OR11A1: variants seen among roughly 807,000 people sequenced by gnomAD.
The protein encoded by OR11A1 is olfactory receptor 11A1.
For synonymous variants in OR11A1, 158 were observed against 152.2 expected (o/e 1.04, Z -0.28); for missense variants, 380 against 378.2 (o/e 1.00, Z -0.04).
In OR11A1 at chr6:29,448,607, C is replaced by A. The variant is rs375807355; in HGVS notation, c.-389+8380G>T. ...TAGGCACCAAACTGTCGGCAAAAGC[C>A]CCATTTTCGAGTTGGCCAGTTCTGG... On this transcript the variant is annotated intron_variant, in intron 1 of 4. Transcript: ENST00000377149. Among the ~76,000 whole-genome samples, 74 of 152,248 alleles carry A rather than the reference C, an allele frequency of 4.9e-4. 1 individual carries two copies. The highest frequency in any genetic ancestry group is 1.7e-3 in the African/African-American group (69 of 41,538).
At chr6:29,429,057 A>T (rs1783074668) in intron 3 of OR11A1, 97 bp from the exon 4 acceptor site, 1 of 191,858 alleles carries the variant, frequency 5.2e-6, no homozygotes, top group African/African-American at 2.4e-5. Context: ...TAAATACATA[A>T]TACTAACAGT....
At chr6:29,449,888 C>CA (rs140715249) in intron 1 of OR11A1, among the ~76,000 whole-genome samples, 5,644 of 152,234 alleles carry the variant, frequency 0.037, 176 homozygotes, top group African/African-American at 0.075. Context: ...CTGCCTGCCT[C>CA]AGCCTCCCAA....
intron 2 of OR11A1, 143 bp from the exon 3 acceptor site, chr6:29,430,568 A>G: frequency 2.5e-6 from 1 of 403,376 alleles, no homozygotes; most frequent in Non-Finnish European, 3.4e-6. Context: ...AGAAACAGAA[A>G]GTCAAATATT....
At chr6:29,430,265 G>A (rs1783144514) in intron 3 of OR11A1, 36 bp downstream of exon 3, 1 of 984,936 alleles carries the variant, frequency 1.0e-6, no homozygotes, top group Non-Finnish European at 1.2e-6. Context: ...TTCTGTTATT[G>A]CCCTCCAACT....
At chr6:29,434,002 A>T (rs1474804555) in intron 1 of OR11A1, among the ~76,000 whole-genome samples, 1 of 152,120 alleles carries the variant, frequency 6.6e-6, no homozygotes, top group Non-Finnish European at 1.5e-5. Context: ...TGCTTAGCTC[A>T]TTTTAAAATT....
chr6:29,448,234 C>T (rs1409809902), intron 1 of OR11A1, among the ~76,000 whole-genome samples: 1 of 151,932 alleles, frequency 6.6e-6, no homozygotes, highest in Non-Finnish European at 1.5e-5. Context: ...CCAGGATGGT[C>T]TCGATCTCTT....
chr6:29,426,438 T>A lies in OR11A1; in HGVS notation c.*256A>T. The A allele has an allele frequency of 2.1e-6, 1 of 470,746 alleles. No individual in the cohort carries two copies. Among genetic ancestry groups the A allele is most frequent in the Non-Finnish European group, 3.7e-6 (1 of 266,886 alleles). The allele number at this position is 470,746 out of a possible 1,614,324, so 29.2% of individuals were successfully genotyped here. A position where few individuals can be genotyped will look rare whatever the true frequency, so the allele number is the denominator to read the frequency against. On this transcript the variant is annotated 3_prime_UTR_variant, in exon 5 of 5. Transcript: ENST00000377149. ...AATGATTAATGAGTACTAGGCTTAATACCTGGGTGATGAAATAATCTGTAC... is the reference window on the plus strand; with the variant it reads ...AATGATTAATGAGTACTAGGCTTAAAACCTGGGTGATGAAATAATCTGTAC...
At chr6:29,440,222 G>T in intron 1 of OR11A1, 1 of 1,613,952 alleles carries the variant, frequency 6.2e-7, no homozygotes, top group Admixed American at 1.7e-5. Flanking sequence ...CGGCCTTGGA[G>T]ATTGGCTATA....
intron 1 of OR11A1, among the ~76,000 whole-genome samples, chr6:29,456,227 C>T (rs1582645631): frequency 1.4e-5 from 2 of 144,240 alleles, no homozygotes; most frequent in East Asian, 2.1e-4. Flanking sequence ...GAAACTCAGT[C>T]TAAAAAAAAA....
intron 1 of OR11A1, among the ~76,000 whole-genome samples, chr6:29,448,657 G>A (rs547881763): frequency 5.3e-5 from 8 of 152,280 alleles, no homozygotes; most frequent in South Asian, 4.1e-4. Flanking sequence ...CATTCTGCAT[G>A]CCACTCAACT....
Position 29,428,929 on chromosome 6 carries a change from A to C in OR11A1, c.-108T>G. ...CTGTCATACCTGCTGGAAGGTTTTC[A>C]TATGCTATTCAAAGCAATATGTGTT... is the stretch of plus-strand genomic sequence containing the variant. On this transcript the variant is annotated 5_prime_UTR_variant, in exon 4 of 5. The change abolishes an upstream ATG in the 5' untranslated region. Transcript: ENST00000377149. 2 of 974,766 alleles carry C rather than the reference A, an allele frequency of 2.1e-6. No individual in the cohort carries two copies. Among genetic ancestry groups the C allele is most frequent in the Non-Finnish European group, 2.4e-6 (2 of 820,546 alleles). The allele number at this position is 974,766 out of a possible 1,614,324, so 60.4% of individuals were successfully genotyped here.
chr6:29,440,559 C>CCT (rs767213825), intron 1 of OR11A1: 2 of 1,613,878 alleles, frequency 1.2e-6, no homozygotes, highest in Non-Finnish European at 1.7e-6. Flanking sequence ...TGAGATCCAG[C>CCT]CTGTCCTGCA....
At chr6:29,432,621 G>A (rs1192661873) in intron 1 of OR11A1, among the ~76,000 whole-genome samples, 1 of 152,130 alleles carries the variant, frequency 6.6e-6, no homozygotes, top group Non-Finnish European at 1.5e-5. Context: ...GGAAGGTGGC[G>A]TGATGTTACA....
rs915484256 is a variant in OR11A1 at position 29,426,297 on chromosome 6, A to G, written c.*397T>C. On this transcript the variant is annotated 3_prime_UTR_variant, in exon 5 of 5. Coordinates refer to ENST00000377149, the MANE Select transcript of OR11A1 (RefSeq NM_001394828.1). Reference sequence around the variant, plus strand: ...ACAGGAACAGAAAATCAAATACCGTATGTCTTCACTCATAAGTGGGAGCTA... The same window carrying G: ...ACAGGAACAGAAAATCAAATACCGTGTGTCTTCACTCATAAGTGGGAGCTA... The G allele has an allele frequency of 1.2e-5, 2 of 172,604 alleles. No homozygotes were observed. Among genetic ancestry groups the G allele is most frequent in the African/African-American group, 4.7e-5 (2 of 42,312 alleles). 10.7% of individuals were successfully genotyped at this position (172,604 alleles called of 1,614,324 possible).
At chr6:29,455,780 G>A (rs1245360603) in intron 1 of OR11A1, among the ~76,000 whole-genome samples, 1 of 150,090 alleles carries the variant, frequency 6.7e-6, no homozygotes, top group Non-Finnish European at 1.5e-5. Flanking sequence ...GGAGGCTGGG[G>A]CAGGAGTATC....
chr6:29,438,264 A>G (rs1316457985), intron 1 of OR11A1, among the ~76,000 whole-genome samples: 1 of 152,184 alleles, frequency 6.6e-6, no homozygotes, highest in Non-Finnish European at 1.5e-5. Context: ...ATAAAAATGC[A>G]AAGAAAGATT....
At chr6:29,440,824 A>G in intron 1 of OR11A1, 1 of 1,613,840 alleles carries the variant, frequency 6.2e-7, no homozygotes, top group Non-Finnish European at 8.5e-7. Flanking sequence ...CCGGCCACTG[A>G]CCCTCTGGTG....
chr6:29,426,507 AC>A lies in OR11A1; in HGVS notation c.*186del, dbSNP rs1396468221. The A allele has an allele frequency of 1.2e-5, 7 of 569,584 alleles. No homozygotes were observed. The highest frequency in any genetic ancestry group is 3.1e-6 in the Non-Finnish European group (1 of 322,530). 35.3% of individuals were successfully genotyped at this position (569,584 alleles called of 1,614,324 possible). ...AAGTTTACCTATGTAACAAACCTGC[AC>A]ATGTACCCTTGAACTTAAAATAAAA... On this transcript the variant is annotated 3_prime_UTR_variant, in exon 5 of 5. Transcript: ENST00000377149.
intron 1 of OR11A1, among the ~76,000 whole-genome samples, chr6:29,452,379 A>T (rs1441411396): frequency 6.6e-6 from 1 of 152,206 alleles, no homozygotes; most frequent in Non-Finnish European, 1.5e-5. Flanking sequence ...GCAAACAAAA[A>T]AATTGTTCAA....
Sources: allele counts gnomAD v4.1 joint callset (sites outside exome capture counted in the v4.1 genomes callset), GRCh38; gene constraint gnomAD v4.1.1; transcripts MANE v1.5; gene names NCBI Gene and HGNC (gene_info 2026-07-23, HGNC 2026-07-21).